Variants in ZNF644 observed in about 807,000 individuals in gnomAD.
ZNF644 encodes zinc finger motif enhancer binding protein 2.
ZNF644 carries 20 observed loss-of-function variants against 108.0 expected under a neutral mutation model. That is an observed-to-expected ratio of 0.19 (90% confidence interval 0.13 to 0.27). ZNF644 has a LOEUF of 0.27. ZNF644 is among the 10% of genes least tolerant of loss of function. The probability of loss-of-function intolerance (pLI) is 1.00; values close to 1 mark genes in which losing one functional copy is unlikely to be tolerated. For synonymous variants in ZNF644, 542 were observed against 539.1 expected (o/e 1.01, Z -0.08); for missense variants, 1,338 against 1,548.9 (o/e 0.86, Z 2.29).
chr1:90,954,901 T>A lies in ZNF644; in HGVS notation c.45-13592A>T, dbSNP rs545821462. ...TTTAAGTTGCATCTAGAATAGCTAA[T>A]CCTTTCCAGAAAGTTTTCAATTTAC... is the stretch of plus-strand genomic sequence containing the variant. On this transcript the variant is annotated intron_variant, in intron 2 of 5. Coordinates refer to ENST00000337393, the MANE Select transcript of ZNF644 (RefSeq NM_201269.3). 5.7e-4 allele frequency among the ~76,000 whole-genome samples: 87 copies of A among 152,336 alleles called. 1 individual carries two copies. Among genetic ancestry groups the A allele is most frequent in the Non-Finnish European group, 1.1e-3 (76 of 68,030 alleles).
chr1:91,019,929 A>T (rs1570602636), intron 1 of ZNF644, among the ~76,000 whole-genome samples: 1 of 152,228 alleles, frequency 6.6e-6, no homozygotes, highest in South Asian at 2.1e-4. Flanking sequence ...TTAATTAACA[A>T]GTATTCTCAA....
At position 90,995,486 on chromosome 1, in the gene ZNF644, G is replaced by A. The variant is rs368032816; in HGVS notation, c.-17-13116C>T. Among the ~76,000 whole-genome samples, 7 of 152,164 alleles carry A rather than the reference G, an allele frequency of 4.6e-5. No homozygotes were observed. The South Asian group carries it at 1.2e-3, about 27-fold the overall frequency. On this transcript the variant is annotated intron_variant, in intron 1 of 5. Coordinates refer to ENST00000337393, the MANE Select transcript of ZNF644 (RefSeq NM_201269.3). ...AAAAATTTTTTGTTGATGAAATAAT[G>A]GCCAAAACATTTCAAATTCAGTAGA...
At chr1:90,933,110 A>G (rs1207093342) in intron 4 of ZNF644, among the ~76,000 whole-genome samples, 1 of 152,208 alleles carries the variant, frequency 6.6e-6, no homozygotes, top group Non-Finnish European at 1.5e-5. Context: ...ATGGAGATTT[A>G]CTACCAGTTA....
At position 90,938,229 on chromosome 1, in the gene ZNF644, A is replaced by G. The variant is rs749846704; in HGVS notation, c.3082+43T>C. 1.9e-6 allele frequency: 3 copies of G among 1,613,894 alleles called. No individual in the cohort carries two copies. Among genetic ancestry groups the G allele is most frequent in the Non-Finnish European group, 2.5e-6 (3 of 1,179,780 alleles). On this transcript the variant is annotated intron_variant, in intron 3 of 5. Coordinates refer to ENST00000337393, the MANE Select transcript of ZNF644 (RefSeq NM_201269.3). This position sits in a 1 kb window ranked among gnomAD's most constrained non-coding sequence, Gnocchi z 4.2. Reference sequence around the variant, plus strand: ...AAAACTTTTAAATCTTCAGAATTAGAACACAGACCTATCAGCCCAAATCAT... The same window carrying G: ...AAAACTTTTAAATCTTCAGAATTAGGACACAGACCTATCAGCCCAAATCAT...
chr1:91,018,011 T>C (rs1660579572), intron 1 of ZNF644, among the ~76,000 whole-genome samples: 1 of 152,136 alleles, frequency 6.6e-6, no homozygotes, highest in African/African-American at 2.4e-5. Flanking sequence ...TGGTTCAACT[T>C]GGCAGATCTG....
intron 1 of ZNF644, among the ~76,000 whole-genome samples, chr1:91,016,035 C>A (rs1448923566): frequency 2.0e-5 from 3 of 152,148 alleles, no homozygotes; most frequent in Non-Finnish European, 4.4e-5. Flanking sequence ...AATTTTACTT[C>A]AAGGCTTACA....
intron 1 of ZNF644, 122 bp downstream of exon 1, chr1:91,021,862 GGCCCGA>G: frequency 2.5e-6 from 1 of 397,906 alleles, no homozygotes; most frequent in Non-Finnish European, 4.4e-6. Context: ...TAGCTCCCCG[GGCCCGA>G]GAGCCGGAGG....
chr1:90,960,996 C>A (rs190585403), intron 2 of ZNF644, among the ~76,000 whole-genome samples: 1 of 151,078 alleles, frequency 6.6e-6, no homozygotes, highest in African/African-American at 2.4e-5. Context: ...TTTCTCACTA[C>A]AGACCTACAC....
intron 4 of ZNF644, among the ~76,000 whole-genome samples, chr1:90,922,749 C>T (rs1286800190): frequency 6.6e-6 from 1 of 152,012 alleles, no homozygotes; most frequent in African/African-American, 2.4e-5. Context: ...ACCCTCCACC[C>T]TTAAGGTAGG....
At chr1:90,980,902 G>T (rs776314430) in intron 2 of ZNF644, among the ~76,000 whole-genome samples, 1 of 152,088 alleles carries the variant, frequency 6.6e-6, no homozygotes, top group Admixed American at 6.5e-5. Context: ...ATATGAATGT[G>T]TATGTGAAAA....
chr1:90,949,620 A>G lies in ZNF644; in HGVS notation c.45-8311T>C, dbSNP rs1042368382. Among the ~76,000 whole-genome samples, 4 of 152,236 alleles carry G rather than the reference A, an allele frequency of 2.6e-5. 1 individual carries two copies. In the South Asian group the frequency reaches 8.3e-4, roughly 31 times the overall value. ...AAATAAAAAATAAAATTACAAGAAT[A>G]AAAAATACAAATAAGAAACCAATGA... On this transcript the variant is annotated intron_variant, in intron 2 of 5. Transcript: ENST00000337393.
chr1:91,009,830 C>T (rs939081106), intron 1 of ZNF644, among the ~76,000 whole-genome samples: 4 of 152,148 alleles, frequency 2.6e-5, no homozygotes. Flanking sequence ...AAGTCATATG[C>T]AAACTCTATC....
chr1:90,934,265 A>C (rs1484953435), intron 4 of ZNF644, among the ~76,000 whole-genome samples: 2 of 152,210 alleles, frequency 1.3e-5, no homozygotes, highest in Non-Finnish European at 2.9e-5. Context: ...AATGCAAAGA[A>C]GCAGAAGAAA....
At chr1:90,950,319 GAAAAC>G (rs1487291073) in intron 2 of ZNF644, among the ~76,000 whole-genome samples, 19 of 91,682 alleles carry the variant, frequency 2.1e-4, no homozygotes, top group Non-Finnish European at 2.9e-4. Flanking sequence ...CAAAAGAAAA[GAAAAC>G]AAAAGAAAAG....
chr1:90,989,619 T>C (rs1657443490), intron 1 of ZNF644, among the ~76,000 whole-genome samples: 1 of 152,130 alleles, frequency 6.6e-6, no homozygotes, highest in Admixed American at 6.6e-5. Context: ...CTACAAGATA[T>C]CACCTTACAT....
intron 1 of ZNF644, among the ~76,000 whole-genome samples, chr1:91,000,862 G>C (rs529940635): frequency 6.7e-6 from 1 of 150,306 alleles, no homozygotes. Flanking sequence ...TATCACCACC[G>C]ATCCCACACA....
chr1:90,947,950 G>T (rs576452616), intron 2 of ZNF644, among the ~76,000 whole-genome samples: 1 of 151,940 alleles, frequency 6.6e-6, no homozygotes, highest in Non-Finnish European at 1.5e-5. Flanking sequence ...CTACACCATC[G>T]CAAAATTGAA....
rs370221702 is a variant in ZNF644, at chr1:90,939,332, A to G, written c.2022T>C (p.Phe674=). 14 of 1,613,934 alleles carry G rather than the reference A, an allele frequency of 8.7e-6. No homozygotes were observed. In the African/African-American group the frequency reaches 1.7e-4, roughly 20 times the overall value. ...TFGSTSQSSS[F]SKIHKRPHRI... ...TGTGTGGCCGCTTATGAATTTTTGA[A>G]AAACTACTTGATTGTGAGGTTGATC... Residue 674 remains phenylalanine (F), a synonymous_variant, in exon 3 of 6, where the codon TTT becomes TTC. Transcript: ENST00000337393.
At chr1:90,919,547 C>A (rs536943748) in intron 4 of ZNF644, among the ~76,000 whole-genome samples, 17 of 152,210 alleles carry the variant, frequency 1.1e-4, no homozygotes, top group Middle Eastern at 3.4e-3. Context: ...AGCTTCCTGT[C>A]ACCTGCCTAT....
Sources: allele counts gnomAD v4.1 joint callset (sites outside exome capture counted in the v4.1 genomes callset), GRCh38; gene constraint gnomAD v4.1.1; non-coding constraint Gnocchi (gnomAD v3.1); transcripts MANE v1.5; gene names NCBI Gene and HGNC (gene_info 2026-07-23, HGNC 2026-07-21).